The following ACSL3 variants were observed in gnomAD, a reference collection of about 807,000 sequenced individuals.
The protein encoded by ACSL3 is fatty acid CoA ligase Acsl3.
ACSL3 carries 34 observed loss-of-function variants against 84.7 expected under a neutral mutation model. The ratio of observed to expected loss-of-function variants is 0.40; its 90% CI spans 0.31 to 0.53. The LOEUF (loss-of-function observed/expected upper bound fraction) is 0.53, where lower values mean the gene tolerates loss of function less well. ACSL3 is among the 20% of genes least tolerant of loss of function. The pLI, the probability that ACSL3 is intolerant of heterozygous loss-of-function variation, is 0.48. For synonymous variants in ACSL3, 315 were observed against 299.4 expected (o/e 1.05, Z -0.54); for missense variants, 680 against 873.1 (o/e 0.78, Z 2.79).
intron 3 of ACSL3, among the ~76,000 whole-genome samples, chr2:222,906,468 T>G (rs1016287377): frequency 1.3e-5 from 2 of 152,192 alleles, no homozygotes; most frequent in South Asian, 4.1e-4. Context: ...TAAGATGCCC[T>G]TTGTATAGGG....
rs752992653 is a variant in ACSL3 at position 222,923,161 on chromosome 2, C to A, written c.1152+12C>A. On this transcript the variant is annotated intron_variant, in intron 10 of 16. Transcript: ENST00000357430. ...TGGCAGCAGTTCCGGTAAGAAGTGA[C>A]CCTTATTTAATATTGAGTATTAAAG... The A allele has an allele frequency of 1.4e-5, 23 of 1,606,454 alleles. No individual in the cohort carries two copies. The highest frequency in any genetic ancestry group is 1.9e-5 in the Non-Finnish European group (22 of 1,173,262).
chr2:222,904,492 G>A (rs573128256), intron 3 of ACSL3: 1 of 152,344 alleles, frequency 6.6e-6, no homozygotes, highest in South Asian at 2.1e-4. Flanking sequence ...TGCTGTGGAT[G>A]TTTTCTTAGG....
chr2:222,935,522 T>C (rs1697149005), intron 16 of ACSL3, among the ~76,000 whole-genome samples: 1 of 152,202 alleles, frequency 6.6e-6, no homozygotes, highest in Non-Finnish European at 1.5e-5. Flanking sequence ...CATTTACTTT[T>C]TAGTCTCTTC....
Position 222,934,133 on chromosome 2 carries a change from G to A in ACSL3, c.1848-397G>A, listed in dbSNP as rs181157910. 5.3e-3 allele frequency among the ~76,000 whole-genome samples: 800 copies of A among 152,256 alleles called. 5 individuals carry two copies. The highest frequency in any genetic ancestry group is 8.8e-3 in the Non-Finnish European group (600 of 68,018). On this transcript the variant is annotated intron_variant, in intron 15 of 16. Coordinates refer to ENST00000357430, the MANE Select transcript of ACSL3 (RefSeq NM_004457.5). ...ATTCACATCATTTTGATTCGTTGCT[G>A]AATTTTTAAGATAGTTTTTAATTTA...
At chr2:222,879,896 C>A (rs1695547147) in intron 1 of ACSL3, among the ~76,000 whole-genome samples, 1 of 144,196 alleles carries the variant, frequency 6.9e-6, no homozygotes, top group Non-Finnish European at 1.5e-5. Flanking sequence ...AATAATAAAC[C>A]TTTTTTTTTT....
intron 4 of ACSL3, among the ~76,000 whole-genome samples, chr2:222,914,201 TAGAG>T (rs1175550068): frequency 1.3e-5 from 2 of 150,824 alleles, no homozygotes; most frequent in East Asian, 1.9e-4. Context: ...CACCTGTAAG[TAGAG>T]AGAAGGAAGG....
Position 222,942,296 on chromosome 2 carries a change from T to C in ACSL3, c.*642T>C, listed in dbSNP as rs1697333107. ...ATTTTTTATTAGAAAAAATGAAGTT[T>C]GGTTGGTGATGCATGAAACAAAATA... On this transcript the variant is annotated 3_prime_UTR_variant, in exon 17 of 17. Transcript: ENST00000357430. 5.4e-6 allele frequency: 1 copy of C among 186,404 alleles called. No individual in the cohort carries two copies. The highest frequency in any genetic ancestry group is 2.3e-5 in the African/African-American group (1 of 42,792). 11.5% of individuals were successfully genotyped at this position (186,404 alleles called of 1,614,324 possible). A position where few individuals can be genotyped will look rare whatever the true frequency, so the allele number is the denominator to read the frequency against.
chr2:222,908,782 C>T lies in ACSL3; in HGVS notation c.10C>T (p.His4Tyr), dbSNP rs928788228. Residue 4 changes from histidine (H) to tyrosine (Y), a missense_variant, in exon 4 of 17, where the codon CAC becomes TAC. Around this residue, in one of 2 missense-constraint regions of ACSL3, gnomAD observed 333 missense variants for 347.5 expected, o/e 0.96. Transcript: ENST00000357430. MNN[H>Y]VSSKPSTMKL... is the part of the protein sequence containing the mutation. ...TACTTTTTGAGTACTTATGAATAAC[C>T]ACGTGTCTTCAAAACCATCTACCAT... 18 of 1,592,084 alleles carry T rather than the reference C, an allele frequency of 1.1e-5. No homozygotes were observed. Among genetic ancestry groups the T allele is most frequent in the Non-Finnish European group, 1.5e-5 (18 of 1,174,808 alleles).
Position 222,889,544 on chromosome 2 carries a change from A to G in ACSL3, c.-148+1656A>G, listed in dbSNP as rs548322083. ...AGAGATAATGTAAAAATGGAAGTTA[A>G]TTCACATTTGTACGTGTCCTTTGTG... On this transcript the variant is annotated intron_variant, in intron 2 of 16. Coordinates refer to ENST00000357430, the MANE Select transcript of ACSL3 (RefSeq NM_004457.5). Among the ~76,000 whole-genome samples the G allele has an allele frequency of 2.0e-5, 3 of 152,336 alleles. No individual in the cohort carries two copies. The South Asian group carries it at 6.2e-4, about 32-fold the overall frequency.
intron 7 of ACSL3, chr2:222,921,021 C>T (rs1013128254): frequency 2.6e-5 from 15 of 576,038 alleles, no homozygotes; most frequent in African/African-American, 2.2e-4. Flanking sequence ...ATCCAAATAG[C>T]ATCTATTGTC....
chr2:222,942,098 G>T lies in ACSL3; in HGVS notation c.*444G>T. The T allele has an allele frequency of 4.7e-6, 1 of 211,058 alleles. No individual in the cohort carries two copies. The highest frequency in any genetic ancestry group is 9.6e-6 in the Non-Finnish European group (1 of 103,788). 13.1% of individuals were successfully genotyped at this position (211,058 alleles called of 1,614,324 possible). A position where few individuals can be genotyped will look rare whatever the true frequency, so the allele number is the denominator to read the frequency against. On this transcript the variant is annotated 3_prime_UTR_variant, in exon 17 of 17. Coordinates refer to ENST00000357430, the MANE Select transcript of ACSL3 (RefSeq NM_004457.5). Reference sequence around the variant, plus strand: ...TTTAAAAATACAAGGGTATTGATATGAAATTATGTAAATTTCAAATGCTTA... The same window carrying T: ...TTTAAAAATACAAGGGTATTGATATTAAATTATGTAAATTTCAAATGCTTA...
intron 3 of ACSL3, among the ~76,000 whole-genome samples, chr2:222,901,949 A>AG (rs1467964229): frequency 2.6e-5 from 1 of 38,692 alleles, no homozygotes; most frequent in African/African-American, 1.7e-4. Context: ...GTCTCAAAAA[A>AG]AAAAAAAAAA....
At chr2:222,918,254 C>A in intron 6 of ACSL3, 99 bp downstream of exon 6, 1 of 649,984 alleles carries the variant, frequency 1.5e-6, no homozygotes, top group Non-Finnish European at 2.5e-6. Flanking sequence ...CTTTTAAGTC[C>A]TTAATCTTTG....
chr2:222,887,456 T>A (rs1695750829), intron 1 of ACSL3, among the ~76,000 whole-genome samples: 1 of 152,228 alleles, frequency 6.6e-6, no homozygotes, highest in Non-Finnish European at 1.5e-5. Context: ...CTGTGGTTGC[T>A]GGATCATATA....
At chr2:222,914,172 C>G (rs1559294194) in intron 4 of ACSL3, among the ~76,000 whole-genome samples, 1 of 151,506 alleles carries the variant, frequency 6.6e-6, no homozygotes. Flanking sequence ...AAGAGGTTTT[C>G]AGTAGGAGAC....
chr2:222,916,247 G>T, intron 4 of ACSL3, 72 bp from the exon 5 acceptor site: 1 of 1,018,440 alleles, frequency 9.8e-7, no homozygotes, highest in South Asian at 2.9e-5. Context: ...CATAACATTT[G>T]GACGATATTC....
Position 222,917,343 on chromosome 2 carries a change from C to T in ACSL3, c.557-703C>T, listed in dbSNP as rs139957530. The T allele has an allele frequency of 6.6e-3, 999 of 152,380 alleles. 5 individuals carry two copies. The highest frequency in any genetic ancestry group is 0.011 in the Non-Finnish European group (774 of 68,064). The allele number at this position is 152,380 out of a possible 1,614,324, so 9.4% of individuals were successfully genotyped here. A position where few individuals can be genotyped will look rare whatever the true frequency, so the allele number is the denominator to read the frequency against. ...TGACCTTGTGATCCGCCCACCTCGG[C>T]CTCCCAGAGTGCTGGGAATATAAAC... On this transcript the variant is annotated intron_variant, in intron 5 of 16. Transcript: ENST00000357430.
chr2:222,904,287 A>G (rs1696236148), intron 3 of ACSL3, among the ~76,000 whole-genome samples: 1 of 45,756 alleles, frequency 2.2e-5, no homozygotes, highest in East Asian at 3.7e-3. Context: ...ACAAAACAAA[A>G]CAAAACAAAA....
chr2:222,898,278 C>T lies in ACSL3; in HGVS notation c.-147-2396C>T, dbSNP rs148778193. ...TCTTTTAAAGTTGTGTTTCGTCATA[C>T]AGAAATGTTAACTCCTCTGGATTTT... On this transcript the variant is annotated intron_variant, in intron 2 of 16. Coordinates refer to ENST00000357430, the MANE Select transcript of ACSL3 (RefSeq NM_004457.5). Among the ~76,000 whole-genome samples the T allele has an allele frequency of 6.1e-3, 932 of 152,216 alleles. 3 individuals are homozygous for T. Among genetic ancestry groups the T allele is most frequent in the African/African-American group, 0.022 (898 of 41,532 alleles).
Sources: gnomAD v4.1 joint callset for allele counts (sites outside exome capture counted in the v4.1 genomes callset) on GRCh38, gnomAD v4.1.1 for gene constraint, gnomAD v4.1.1 regional missense constraint, MANE v1.5 for transcripts, NCBI Gene and HGNC (gene_info 2026-07-23, HGNC 2026-07-21) for gene names.